Variants in ZNF236 observed in about 807,000 individuals in gnomAD.
The protein encoded by ZNF236 is regulated by glucose.
ZNF236 carries 50 observed loss-of-function variants against 191.2 expected under a neutral mutation model. The observed-to-expected ratio is 0.26, with a 90% CI of 0.21 to 0.33. The LOEUF is 0.33. ZNF236 is among the 10% of genes least tolerant of loss of function. The pLI is 1.00. For synonymous variants in ZNF236, 907 were observed against 928.8 expected (o/e 0.98, Z 0.43); for missense variants, 1,754 against 2,374.5 (o/e 0.74, Z 5.43).
chr18:76,869,491 A>G (rs546619901), intron 4 of ZNF236, among the ~76,000 whole-genome samples: 3 of 152,156 alleles, frequency 2.0e-5, no homozygotes, highest in South Asian at 4.1e-4. Context: ...CAAACTTAAC[A>G]TGTTTTTAAA....
intron 18 of ZNF236, 75 bp from the exon 19 acceptor site, chr18:76,915,572 G>T (rs1967334453): frequency 7.1e-7 from 1 of 1,403,686 alleles, no homozygotes; most frequent in Non-Finnish European, 1.0e-6. Flanking sequence ...TCTTTGTTTG[G>T]TTTTGACTGC....
chr18:76,836,361 C>T (rs773483637), intron 1 of ZNF236, among the ~76,000 whole-genome samples: 26 of 152,016 alleles, frequency 1.7e-4, no homozygotes, highest in Non-Finnish European at 8.8e-5. Context: ...GCTGGGACTA[C>T]AGGTGCCCAC....
At chr18:76,876,058 T>C (rs1418192574) in intron 6 of ZNF236, among the ~76,000 whole-genome samples, 1 of 152,234 alleles carries the variant, frequency 6.6e-6, no homozygotes, top group Non-Finnish European at 1.5e-5. Context: ...TTACTGCTAA[T>C]ACTACAGAGC....
At chr18:76,941,563 A>G (rs1011035950) in intron 26 of ZNF236, among the ~76,000 whole-genome samples, 1 of 152,116 alleles carries the variant, frequency 6.6e-6, no homozygotes, top group Non-Finnish European at 1.5e-5. Flanking sequence ...ACACCCTGCC[A>G]TTAGCGCTTC....
At position 76,910,773 on chromosome 18, in the gene ZNF236, A is replaced by T; in HGVS notation, c.2767A>T (p.Ser923Cys). 3 of 1,614,134 alleles carry T rather than the reference A, an allele frequency of 1.9e-6. No individual in the cohort carries two copies. Among genetic ancestry groups the T allele is most frequent in the Non-Finnish European group, 2.5e-6 (3 of 1,180,018 alleles). ...QALSTSFHQQ[S>C]LLQAPSSDGM... ...CCTCTCCACAAGCTTCCACCAGCAG[A>T]GCTTGCTGCAGGCTCCCAGCTCTGA... Residue 923 changes from serine to cysteine, a missense_variant, in exon 16 of 31, where the codon AGC becomes TGC. Ser to Cys is a moderately radical substitution (Grantham distance 112). Around this residue, in one of 5 missense-constraint regions of ZNF236, gnomAD observed 641 missense variants for 869.6 expected, o/e 0.74. Coordinates refer to ENST00000320610, the MANE Select transcript of ZNF236 (RefSeq NM_001306089.2).
In ZNF236 at chr18:76,968,736, T is replaced by C. The variant is rs1968845965; in HGVS notation, c.*397T>C. On this transcript the variant is annotated 3_prime_UTR_variant, in exon 31 of 31. Transcript: ENST00000320610. ...AGATTTTCCTTCATGTTTCTGGTTA[T>C]AAGAAGCATAGCTTACAAAGCAAGC... 2 of 1,000,146 alleles carry C rather than the reference T, an allele frequency of 2.0e-6. No individual in the cohort carries two copies. The highest frequency in any genetic ancestry group is 5.1e-4 in the Middle Eastern group (1 of 1,966). The allele number at this position is 1,000,146 out of a possible 1,614,324, so 62.0% of individuals were successfully genotyped here. A position where few individuals can be genotyped will look rare whatever the true frequency, so the allele number is the denominator to read the frequency against.
Position 76,925,152 on chromosome 18 carries a change from C to G in ZNF236, c.3662-37C>G. 6.3e-7 allele frequency: 1 copy of G among 1,595,150 alleles called. No homozygotes were observed. The highest frequency in any genetic ancestry group is 1.1e-5 in the South Asian group (1 of 89,304). ...GGGTGGGGGTGAGTGTCGCGACTGC[C>G]ATCGCCTCTGTTGATTCTTGGCTGG... On this transcript the variant is annotated intron_variant, in intron 21 of 30. Coordinates refer to ENST00000320610, the MANE Select transcript of ZNF236 (RefSeq NM_001306089.2). This position sits in a 1 kb window ranked among gnomAD's most constrained non-coding sequence, Gnocchi z 5.7.
At chr18:76,899,553 G>A (rs1977530595) in intron 11 of ZNF236, among the ~76,000 whole-genome samples, 2 of 152,208 alleles carry the variant, frequency 1.3e-5, no homozygotes, top group Non-Finnish European at 2.9e-5. Flanking sequence ...GTTTTTATGT[G>A]AAACACACAG....
In ZNF236 at chr18:76,895,212, G is replaced by C; in HGVS notation, c.1617G>C (p.Ala539=). ...AHIKTHTGIK[A]FKCQYCMKSF... ...TCAAGACGCACACCGGCATCAAGGC[G>C]TTCAAGTGCCAGTACTGCATGAAGA... The change falls in exon 10 of 31, where the codon GCG becomes GCC. Residue 539 remains alanine, a synonymous_variant. Transcript: ENST00000320610. 5.0e-6 allele frequency: 8 copies of C among 1,601,640 alleles called. No homozygotes were observed. Among genetic ancestry groups the C allele is most frequent in the African/African-American group, 1.3e-5 (1 of 75,056 alleles).
chr18:76,849,641 C>T lies in ZNF236; in HGVS notation c.171C>T (p.His57=), dbSNP rs776108098. ...SFPKESQFQR[H]MRDHERNDKP... Reference sequence around the variant, plus strand: ...CAAAAGAATCCCAGTTTCAACGCCACATGAGGGATCACGAGCGAAATGACA... The same window carrying T: ...CAAAAGAATCCCAGTTTCAACGCCATATGAGGGATCACGAGCGAAATGACA... The change falls in exon 2 of 31, where the codon CAC becomes CAT. Residue 57 remains histidine, a synonymous_variant. Coordinates refer to ENST00000320610, the MANE Select transcript of ZNF236 (RefSeq NM_001306089.2). 29 of 1,595,522 alleles carry T rather than the reference C, an allele frequency of 1.8e-5. No homozygotes were observed. The highest frequency in any genetic ancestry group is 2.5e-5 in the Non-Finnish European group (29 of 1,174,212).
intron 3 of ZNF236, among the ~76,000 whole-genome samples, chr18:76,864,335 G>A (rs995842482): frequency 1.3e-5 from 2 of 151,934 alleles, no homozygotes; most frequent in African/African-American, 4.8e-5. Flanking sequence ...GAGTAGCTGG[G>A]ATTACAGGCA....
chr18:76,969,006 A>T lies in ZNF236; in HGVS notation c.*667A>T. 3.0e-6 allele frequency: 3 copies of T among 985,004 alleles called. No homozygotes were observed. The highest frequency in any genetic ancestry group is 3.6e-6 in the Non-Finnish European group (3 of 829,160). The allele number at this position is 985,004 out of a possible 1,614,324, so 61.0% of individuals were successfully genotyped here. A position where few individuals can be genotyped will look rare whatever the true frequency, so the allele number is the denominator to read the frequency against. ...ATGGGGACTCGAGTAAACCTGACCC[A>T]CCAATAAGGATTCAGCTGTCCACAC... On this transcript the variant is annotated 3_prime_UTR_variant, in exon 31 of 31. Coordinates refer to ENST00000320610, the MANE Select transcript of ZNF236 (RefSeq NM_001306089.2).
rs657066 is a variant in ZNF236 at position 76,968,303 on chromosome 18, C to T, written c.5508C>T (p.Ala1836=). ...ACCTGGAGGAGGTGGTGCAGGAGGCCGCCGGCGAGTGGCAGGCCCTCACCC... is the reference window on the plus strand; with the variant it reads ...ACCTGGAGGAGGTGGTGCAGGAGGCTGCCGGCGAGTGGCAGGCCCTCACCC... ...TLHLEEVVQE[A]AGEWQALTHV... Residue 1836 remains alanine, a synonymous_variant, in exon 31 of 31, where the codon GCC becomes GCT. Transcript: ENST00000320610. 0.96 allele frequency: 1,545,838 copies of T among 1,609,104 alleles called. 745,146 individuals are homozygous for T. Among genetic ancestry groups the T allele is most frequent in the South Asian group, 0.99 (88,623 of 89,914 alleles).
At chr18:76,896,660 CACAA>C (rs1977426843) in intron 10 of ZNF236, among the ~76,000 whole-genome samples, 1 of 147,264 alleles carries the variant, frequency 6.8e-6, no homozygotes, top group African/African-American at 2.5e-5. Context: ...GCACACAGTA[CACAA>C]ACAGAGTACT....
intron 25 of ZNF236, among the ~76,000 whole-genome samples, chr18:76,936,599 TTTAGAA>T (rs1226235798): frequency 6.6e-6 from 1 of 152,236 alleles, no homozygotes; most frequent in Non-Finnish European, 1.5e-5. Context: ...CCTCCTGTCT[TTTAGAA>T]TAAGAATCAG....
At chr18:76,930,433 C>T (rs568590976) in intron 25 of ZNF236, among the ~76,000 whole-genome samples, 1 of 152,296 alleles carries the variant, frequency 6.6e-6, no homozygotes, top group East Asian at 1.9e-4. Context: ...ATTTGGTTTC[C>T]ATTGGATGTC....
chr18:76,946,928 T>G (rs1968277622), intron 26 of ZNF236, among the ~76,000 whole-genome samples: 1 of 152,228 alleles, frequency 6.6e-6, no homozygotes, highest in South Asian at 2.1e-4. Context: ...TTGAATGGTT[T>G]TCAGTGTATT....
Position 76,925,691 on chromosome 18 carries a change from G to T in ZNF236, c.4027+137G>T. ...CTTCTTTGAGCCTTTTCCTTATAAGGCATTCGGAAAAATTGGAATTCCGTC... is the reference window on the plus strand; with the variant it reads ...CTTCTTTGAGCCTTTTCCTTATAAGTCATTCGGAAAAATTGGAATTCCGTC... On this transcript the variant is annotated intron_variant, in intron 22 of 30. Transcript: ENST00000320610. This position sits in a 1 kb window ranked among gnomAD's most constrained non-coding sequence, Gnocchi z 5.7. The T allele has an allele frequency of 7.9e-7, 1 of 1,272,490 alleles. No homozygotes were observed. 78.8% of individuals were successfully genotyped at this position (1,272,490 alleles called of 1,614,324 possible).
intron 27 of ZNF236, among the ~76,000 whole-genome samples, chr18:76,954,789 A>G: frequency 6.6e-6 from 1 of 152,222 alleles, no homozygotes; most frequent in Middle Eastern, 3.2e-3. Context: ...CCTGACACAC[A>G]GGTGTCATAT....
Sources: allele counts gnomAD v4.1 joint callset (sites outside exome capture counted in the v4.1 genomes callset), GRCh38; gene constraint gnomAD v4.1.1; regional missense constraint gnomAD v4.1.1; non-coding constraint Gnocchi (gnomAD v3.1); transcripts MANE v1.5; gene names NCBI Gene and HGNC (gene_info 2026-07-23, HGNC 2026-07-21).